The following PSME4 variants were observed in gnomAD, a reference collection of about 807,000 sequenced individuals.
PSME4 encodes proteasome activator subunit 4, also known as proteasome activator complex subunit 4.
A neutral mutation model predicts 253.9 loss-of-function variants in PSME4; 89 were observed. That is an observed-to-expected ratio of 0.35 (90% CI 0.30 to 0.42). The LOEUF (loss-of-function observed/expected upper bound fraction) is 0.42, where lower values mean the gene tolerates loss of function less well. Ranked by LOEUF, PSME4 falls within the 10% of genes least tolerant of loss-of-function variation. The pLI is 1.00. For synonymous variants in PSME4, 851 were observed against 759.2 expected, an observed-to-expected ratio of 1.12 and a Z score of -1.99; for missense variants, 2,014 against 2,195.2, an observed-to-expected ratio of 0.92 and a Z score of 1.65.
At position 53,935,985 on chromosome 2, in the gene PSME4, C is replaced by T. The variant is rs186055957; in HGVS notation, c.834+102G>A. On this transcript the variant is annotated intron_variant, in intron 7 of 46. Transcript: ENST00000404125. ...CTTGGCTCACTGCAACCTCAGCCTC[C>T]TGGGTTCAAGAGATTCTCCTGCCTC... 44 of 1,453,330 alleles carry T rather than the reference C, an allele frequency of 3.0e-5. No individual in the cohort carries two copies. The African/African-American group carries it at 5.0e-4, about 17-fold the overall frequency. The allele number at this position is 1,453,330 out of a possible 1,614,324, so 90.0% of individuals were successfully genotyped here.
At chr2:53,903,625 C>T (rs1680512917) in intron 27 of PSME4, among the ~76,000 whole-genome samples, 1 of 152,126 alleles carries the variant, frequency 6.6e-6, no homozygotes, top group Non-Finnish European at 1.5e-5. Flanking sequence ...TCATACTACT[C>T]TAAACTTCTT....
chr2:53,897,167 GTT>G (rs1056577962), intron 31 of PSME4, among the ~76,000 whole-genome samples: 2,629 of 122,144 alleles, frequency 0.022, 53 homozygotes, highest in African/African-American at 0.077. Context: ...TAGCCTCAGG[GTT>G]TTTTTTTTTT....
intron 20 of PSME4, among the ~76,000 whole-genome samples, chr2:53,913,427 G>C (rs1188439270): frequency 6.6e-6 from 1 of 152,208 alleles, no homozygotes; most frequent in East Asian, 1.9e-4. Flanking sequence ...AATCACATAT[G>C]TAAATGAAGG....
At chr2:53,909,243 G>A (rs921928797) in intron 21 of PSME4, among the ~76,000 whole-genome samples, 4 of 152,096 alleles carry the variant, frequency 2.6e-5, no homozygotes, top group African/African-American at 7.2e-5. Context: ...CGTAAATCAA[G>A]CAATTACAGC....
intron 43 of PSME4, chr2:53,870,240 TATC>T (rs1678804043): frequency 6.6e-6 from 1 of 152,236 alleles, no homozygotes. Flanking sequence ...CTCATAATTT[TATC>T]ATCGTCTGTC....
chr2:53,867,501 G>GAA (rs1223931718), intron 44 of PSME4, among the ~76,000 whole-genome samples: 26,137 of 112,856 alleles, frequency 0.23, 3,316 homozygotes, highest in South Asian at 0.36. Context: ...TCCGTCTCAA[G>GAA]GAAAAAAAAA....
intron 17 of PSME4, among the ~76,000 whole-genome samples, 157 bp downstream of exon 17, chr2:53,922,359 AT>A (rs1483001765): frequency 6.6e-6 from 1 of 152,204 alleles, no homozygotes; most frequent in Non-Finnish European, 1.5e-5. Flanking sequence ...TCCTTTGACA[AT>A]AAGAGTATGA....
At chr2:53,947,087 G>T (rs936786216) in intron 3 of PSME4, among the ~76,000 whole-genome samples, 2 of 152,150 alleles carry the variant, frequency 1.3e-5, no homozygotes, top group African/African-American at 2.4e-5. Context: ...AGAAATAAAT[G>T]ACTTCTAACC....
intron 1 of PSME4, among the ~76,000 whole-genome samples, chr2:53,953,935 A>T (rs1209521921): frequency 6.6e-6 from 1 of 152,270 alleles, no homozygotes; most frequent in Non-Finnish European, 1.5e-5. Context: ...ACAGGGGAAG[A>T]ACAAAAAAGA....
At chr2:53,925,773 C>T in intron 13 of PSME4, 84 bp from the exon 14 acceptor site, 8 of 1,393,906 alleles carry the variant, frequency 5.7e-6, no homozygotes, top group African/African-American at 1.4e-5. Context: ...TCTCTATTGT[C>T]CTAATTATTC....
chr2:53,896,363 TA>T (rs1680137225), intron 32 of PSME4, among the ~76,000 whole-genome samples: 1 of 152,148 alleles, frequency 6.6e-6, no homozygotes, highest in Non-Finnish European at 1.5e-5. Context: ...TAAAGGAAAC[TA>T]AAGATACCAT....
At chr2:53,961,188 A>T (rs907766134) in intron 1 of PSME4, among the ~76,000 whole-genome samples, 3 of 152,238 alleles carry the variant, frequency 2.0e-5, no homozygotes, top group African/African-American at 7.2e-5. Flanking sequence ...GAATATTTAT[A>T]GTATGTGCTG....
chr2:53,932,228 T>C (rs922173583), intron 9 of PSME4, 128 bp from the exon 10 acceptor site: 68 of 798,640 alleles, frequency 8.5e-5, no homozygotes, highest in Non-Finnish European at 1.3e-4. Context: ...TACAAAGAAC[T>C]GCACAGCATA....
intron 36 of PSME4, among the ~76,000 whole-genome samples, chr2:53,891,999 A>AGCACT (rs1679931260): frequency 6.6e-6 from 1 of 152,218 alleles, no homozygotes; most frequent in African/African-American, 2.4e-5. Flanking sequence ...TTCCAGTGGC[A>AGCACT]GCACTGTTTT....
At chr2:53,909,577 T>C (rs12623380) in intron 21 of PSME4, among the ~76,000 whole-genome samples, 11,926 of 152,288 alleles carry the variant, frequency 0.078, 653 homozygotes, top group East Asian at 0.26. Flanking sequence ...AATTTTCCAG[T>C]TTCTCCAGAA....
intron 17 of PSME4, among the ~76,000 whole-genome samples, chr2:53,921,596 C>T (rs1668319049): frequency 1.4e-5 from 2 of 142,118 alleles, no homozygotes; most frequent in African/African-American, 5.1e-5. Context: ...TGGCCGGGCG[C>T]GGTGGCTCAC....
At chr2:53,913,211 C>A (rs903418422) in intron 20 of PSME4, among the ~76,000 whole-genome samples, 1 of 151,990 alleles carries the variant, frequency 6.6e-6, no homozygotes, top group African/African-American at 2.4e-5. Context: ...TAGTACCAGG[C>A]CACCTAACAT....
chr2:53,881,903 T>C (rs1224540337), intron 41 of PSME4, among the ~76,000 whole-genome samples: 1 of 152,096 alleles, frequency 6.6e-6, no homozygotes, highest in Non-Finnish European at 1.5e-5. Flanking sequence ...GATTTTAAAC[T>C]AGGACTCTAT....
intron 24 of PSME4, chr2:53,908,091 A>G (rs943560753): frequency 2.3e-4 from 108 of 470,638 alleles, no homozygotes; most frequent in Non-Finnish European, 9.4e-5. Flanking sequence ...TCCCATTGAG[A>G]GTTTAGAGAC....
Sources: allele counts gnomAD v4.1 joint callset (sites outside exome capture counted in the v4.1 genomes callset), GRCh38; gene constraint gnomAD v4.1.1; transcripts MANE v1.5; gene names NCBI Gene and HGNC (gene_info 2026-07-23, HGNC 2026-07-21).